Variants in NDST3 observed in about 807,000 individuals in gnomAD.
The protein encoded by NDST3 is bifunctional heparan sulfate N-deacetylase/N-sulfotransferase 3.
Under a neutral mutation model 96.1 loss-of-function variants are expected in NDST3, and 58 were observed. That is an observed-to-expected ratio of 0.60 (90% CI 0.49 to 0.75). NDST3 has a LOEUF of 0.75. Among genes scored for constraint, NDST3 ranks in the 30% least tolerant of loss-of-function variants. NDST3 has a pLI of 0.00. For missense variants in NDST3, 788 were observed against 1,034.2 expected (o/e 0.76, Z 3.27); for synonymous variants, 333 against 359.7 (o/e 0.93, Z 0.84).
intron 6 of NDST3, among the ~76,000 whole-genome samples, chr4:118,197,942 G>A (rs1578801423): frequency 6.6e-6 from 1 of 151,804 alleles, no homozygotes; most frequent in East Asian, 1.9e-4. Context: ...TGAGACTACA[G>A]ACACACACCA....
intron 6 of NDST3, among the ~76,000 whole-genome samples, chr4:118,187,585 C>T (rs1391468071): frequency 2.6e-5 from 4 of 152,122 alleles, no homozygotes; most frequent in Admixed American, 6.5e-5. Flanking sequence ...AGTTTGGCTG[C>T]GAAATCTTCC....
At chr4:118,086,368 C>G (rs549528689) in intron 2 of NDST3, among the ~76,000 whole-genome samples, 5 of 152,226 alleles carry the variant, frequency 3.3e-5, no homozygotes, top group African/African-American at 1.2e-4. Flanking sequence ...TTGATCTGAT[C>G]CAGATCCTCT....
intron 3 of NDST3, among the ~76,000 whole-genome samples, chr4:118,105,474 T>G (rs1440676389): frequency 6.6e-6 from 1 of 152,156 alleles, no homozygotes; most frequent in Non-Finnish European, 1.5e-5. Flanking sequence ...CTAACTTCTC[T>G]CAAAGAAGAG....
chr4:118,191,355 G>A (rs1297763741), intron 6 of NDST3, among the ~76,000 whole-genome samples: 1 of 152,162 alleles, frequency 6.6e-6, no homozygotes, highest in Admixed American at 6.5e-5. Flanking sequence ...TCCTTTATAG[G>A]TGTGAATTTC....
chr4:118,080,579 T>G (rs944826219), intron 2 of NDST3, among the ~76,000 whole-genome samples: 1 of 152,188 alleles, frequency 6.6e-6, no homozygotes, highest in African/African-American at 2.4e-5. Context: ...AAGTCTCATT[T>G]GAAGTTCTGG....
chr4:118,190,904 G>A (rs886505862), intron 6 of NDST3, among the ~76,000 whole-genome samples: 6 of 152,130 alleles, frequency 3.9e-5, no homozygotes, highest in African/African-American at 1.2e-4. Flanking sequence ...TTTAAAACAA[G>A]TTTTATTTAT....
rs1429933910 is a variant in NDST3, at chr4:118,251,133, T to TA, written c.2400-2366_2400-2365insA. On this transcript the variant is annotated intron_variant, in intron 12 of 13. Transcript: ENST00000296499. ...ATTTATTTATTATTTTTATTTTATT[T>TA]TTTTTTTTTTTGAGACGGAGTCTTG... 5.7e-5 allele frequency among the ~76,000 whole-genome samples: 8 copies of TA among 141,276 alleles called. No homozygotes were observed. In the East Asian group the frequency reaches 6.0e-4, roughly 11 times the overall value. 92.7% of individuals were successfully genotyped at this position (141,276 alleles called of 152,430 possible).
At chr4:118,129,318 C>T (rs768812372) in intron 4 of NDST3, among the ~76,000 whole-genome samples, 2 of 151,860 alleles carry the variant, frequency 1.3e-5, no homozygotes, top group Non-Finnish European at 1.5e-5. Flanking sequence ...GATGTAGGCA[C>T]TTACAGCTAT....
intron 2 of NDST3, among the ~76,000 whole-genome samples, chr4:118,088,555 C>T (rs1164530538): frequency 6.6e-6 from 1 of 152,016 alleles, no homozygotes; most frequent in Admixed American, 6.6e-5. Flanking sequence ...CACTCCTAGT[C>T]TAGTCAGCAC....
chr4:118,080,525 C>T (rs1309628935), intron 2 of NDST3, among the ~76,000 whole-genome samples: 1 of 152,096 alleles, frequency 6.6e-6, no homozygotes, highest in East Asian at 1.9e-4. Flanking sequence ...CTTTATTTCA[C>T]TCTTTATTTT....
rs556127108 is a variant in NDST3 at position 118,207,421 on chromosome 4, T to C, written c.1540-17070T>C. Reference sequence around the variant, plus strand: ...TGAAGCAGATGAGTGTAGATTTGCGTGCTTTAAGCAGAAAGAAAATTTAAG... The same window carrying C: ...TGAAGCAGATGAGTGTAGATTTGCGCGCTTTAAGCAGAAAGAAAATTTAAG... On this transcript the variant is annotated intron_variant, in intron 6 of 13. Coordinates refer to ENST00000296499, the MANE Select transcript of NDST3 (RefSeq NM_004784.3). Among the ~76,000 whole-genome samples the C allele has an allele frequency of 1.6e-4, 23 of 144,922 alleles. 5 individuals are homozygous for C. The highest frequency in any genetic ancestry group is 3.2e-4 in the Non-Finnish European group (21 of 65,294).
chr4:118,119,347 T>C (rs1237396509), intron 4 of NDST3, among the ~76,000 whole-genome samples: 1 of 152,232 alleles, frequency 6.6e-6, no homozygotes, highest in African/African-American at 2.4e-5. Context: ...GACAATCTTT[T>C]AATTAGTTTG....
At chr4:118,235,237 A>C (rs1740563000) in intron 9 of NDST3, among the ~76,000 whole-genome samples, 1 of 152,210 alleles carries the variant, frequency 6.6e-6, no homozygotes, top group African/African-American at 2.4e-5. Flanking sequence ...CAGTTTGTTC[A>C]CTAATTCTTT....
At chr4:118,164,473 C>T (rs1340476369) in intron 6 of NDST3, among the ~76,000 whole-genome samples, 4 of 148,388 alleles carry the variant, frequency 2.7e-5, no homozygotes, top group South Asian at 2.1e-4. Context: ...GAAAGCTGCA[C>T]GTGTAACCCT....
At chr4:118,067,387 A>C (rs974283090) in intron 2 of NDST3, among the ~76,000 whole-genome samples, 5 of 152,086 alleles carry the variant, frequency 3.3e-5, no homozygotes, top group African/African-American at 1.2e-4. Flanking sequence ...ATACTTTCCC[A>C]GTCTATGTCA....
chr4:118,100,527 A>T (rs926087797), intron 2 of NDST3, among the ~76,000 whole-genome samples: 1 of 152,078 alleles, frequency 6.6e-6, no homozygotes, highest in Non-Finnish European at 1.5e-5. Context: ...TGACCAATCT[A>T]GTCTTCCCAT....
At chr4:118,132,935 T>C (rs887969523) in intron 4 of NDST3, among the ~76,000 whole-genome samples, 2 of 152,130 alleles carry the variant, frequency 1.3e-5, no homozygotes, top group African/African-American at 4.8e-5. Context: ...GTATCCAAGA[T>C]GCAAGACAAC....
intron 3 of NDST3, among the ~76,000 whole-genome samples, chr4:118,109,733 G>A (rs954953085): frequency 5.9e-5 from 9 of 152,178 alleles, no homozygotes; most frequent in African/African-American, 2.2e-4. Context: ...AAAAGTAATT[G>A]AATTATATTG....
chr4:118,243,078 A>G (rs1371433175), intron 12 of NDST3, among the ~76,000 whole-genome samples: 1 of 151,346 alleles, frequency 6.6e-6, no homozygotes, highest in Non-Finnish European at 1.5e-5. Flanking sequence ...CCTGACTCAC[A>G]CCGTAAGTTG....
Sources: allele counts gnomAD v4.1 joint callset (sites outside exome capture counted in the v4.1 genomes callset), GRCh38; gene constraint gnomAD v4.1.1; transcripts MANE v1.5; gene names NCBI Gene and HGNC (gene_info 2026-07-23, HGNC 2026-07-21).